AUTS2: variants seen among roughly 807,000 people sequenced by gnomAD.
The protein encoded by AUTS2 is autism susceptibility gene 2 protein.
AUTS2 carries 17 observed loss-of-function variants against 112.4 expected under a neutral mutation model. The ratio of observed to expected loss-of-function variants is 0.15; its 90% CI spans 0.10 to 0.23. The LOEUF (loss-of-function observed/expected upper bound fraction) is 0.23, where lower values mean the gene tolerates loss of function less well. Ranked by LOEUF, AUTS2 falls within the 10% of genes least tolerant of loss-of-function variation. The probability of loss-of-function intolerance (pLI) is 1.00; values close to 1 mark genes in which losing one functional copy is unlikely to be tolerated. For synonymous variants in AUTS2, 751 were observed against 702.7 expected (o/e 1.07, Z -1.09); for missense variants, 1,510 against 1,701.6 (o/e 0.89, Z 1.98).
At chr7:69,736,764 A>T (rs1307225203) in intron 1 of AUTS2, among the ~76,000 whole-genome samples, 2 of 152,176 alleles carry the variant, frequency 1.3e-5, no homozygotes, top group Non-Finnish European at 2.9e-5. Context: ...GGCTTCACCT[A>T]TATGGGAAAT....
rs531842431 is a variant in AUTS2 at position 69,709,748 on chromosome 7, G to A, written c.309+109786G>A. On this transcript the variant is annotated intron_variant, in intron 1 of 18. Coordinates refer to ENST00000342771, the MANE Select transcript of AUTS2 (RefSeq NM_015570.4). Reference sequence around the variant, plus strand: ...TTTTGTCCTTTAAATAAAATAAACCGGAACTGTAACCTTTATTATGGGAGG... The same window carrying A: ...TTTTGTCCTTTAAATAAAATAAACCAGAACTGTAACCTTTATTATGGGAGG... Among the ~76,000 whole-genome samples the A allele has an allele frequency of 5.9e-5, 9 of 152,226 alleles. No individual in the cohort carries two copies. In the East Asian group the frequency reaches 1.7e-3, roughly 29 times the overall value.
At chr7:70,022,800 C>CA (rs2129555491) in intron 2 of AUTS2, among the ~76,000 whole-genome samples, 1 of 152,150 alleles carries the variant, frequency 6.6e-6, no homozygotes, top group Admixed American at 6.5e-5. Flanking sequence ...CTCCTAACTA[C>CA]AAAAACATTT....
At chr7:70,770,476 T>C (rs2129558123) in intron 10 of AUTS2, among the ~76,000 whole-genome samples, 1 of 152,360 alleles carries the variant, frequency 6.6e-6, no homozygotes, top group East Asian at 1.9e-4. Flanking sequence ...AGGTGGGGCA[T>C]TATTTAAAAT....
chr7:69,938,543 C>T (rs1482043124), intron 2 of AUTS2, among the ~76,000 whole-genome samples: 1 of 152,228 alleles, frequency 6.6e-6, no homozygotes, highest in Non-Finnish European at 1.5e-5. Context: ...AATCTCAAGA[C>T]ATGACCTTGC....
intron 4 of AUTS2, among the ~76,000 whole-genome samples, chr7:70,358,942 A>C (rs1792131443): frequency 6.6e-6 from 1 of 152,224 alleles, no homozygotes; most frequent in South Asian, 2.1e-4. Flanking sequence ...ACAAGGTGTG[A>C]AGGCTTAGTC....
chr7:70,161,696 C>T (rs1388375798), intron 4 of AUTS2, among the ~76,000 whole-genome samples: 2 of 151,656 alleles, frequency 1.3e-5, no homozygotes, highest in African/African-American at 2.4e-5. Flanking sequence ...CAGTGCTATA[C>T]TCATATATCC....
chr7:70,156,036 G>C (rs1371399366), intron 4 of AUTS2, among the ~76,000 whole-genome samples: 3 of 152,066 alleles, frequency 2.0e-5, no homozygotes, highest in African/African-American at 7.2e-5. Flanking sequence ...GGGTAGTGCT[G>C]ACCCAGTGTC....
At chr7:70,384,323 T>C (rs1793512220) in intron 4 of AUTS2, among the ~76,000 whole-genome samples, 2 of 152,214 alleles carry the variant, frequency 1.3e-5, no homozygotes, top group African/African-American at 4.8e-5. Context: ...ACAGGGAACA[T>C]ACATCATGCA....
At chr7:70,657,039 G>T (rs1482708943) in intron 5 of AUTS2, among the ~76,000 whole-genome samples, 1 of 152,160 alleles carries the variant, frequency 6.6e-6, no homozygotes, top group Non-Finnish European at 1.5e-5. Flanking sequence ...GACTTCTCAG[G>T]TGCTTCATTA....
intron 2 of AUTS2, among the ~76,000 whole-genome samples, chr7:69,939,515 T>C: frequency 6.6e-6 from 1 of 152,182 alleles, no homozygotes; most frequent in East Asian, 1.9e-4. Flanking sequence ...TGATACCTTT[T>C]GCTTTCATGA....
At chr7:70,635,466 C>T (rs1026427832) in intron 5 of AUTS2, among the ~76,000 whole-genome samples, 4 of 152,330 alleles carry the variant, frequency 2.6e-5, no homozygotes, top group South Asian at 4.1e-4. Flanking sequence ...CCCCACAGCC[C>T]GTCCCAGGCC....
chr7:70,775,127 T>A (rs1790603904), intron 12 of AUTS2: 2 of 553,500 alleles, frequency 3.6e-6, no homozygotes, highest in Non-Finnish European at 6.4e-6. Context: ...TGATTAAACT[T>A]GTACAGGGGC....
intron 4 of AUTS2, among the ~76,000 whole-genome samples, chr7:70,300,242 AAAT>A (rs1208409924): frequency 1.3e-5 from 2 of 152,200 alleles, no homozygotes; most frequent in East Asian, 3.9e-4. Flanking sequence ...TGAGCTAGAA[AAAT>A]AATAATAATA....
intron 10 of AUTS2, among the ~76,000 whole-genome samples, chr7:70,768,394 A>C (rs547489616): frequency 1.3e-5 from 2 of 152,366 alleles, no homozygotes; most frequent in Admixed American, 6.5e-5. Flanking sequence ...ACAGCATTTC[A>C]GTCGTCAGTT....
At chr7:70,326,669 G>C (rs1790500181) in intron 4 of AUTS2, among the ~76,000 whole-genome samples, 1 of 152,154 alleles carries the variant, frequency 6.6e-6, no homozygotes. Context: ...GGGATCCATG[G>C]TCACTTCTAA....
intron 4 of AUTS2, among the ~76,000 whole-genome samples, chr7:70,166,182 T>G (rs1808371551): frequency 2.0e-5 from 3 of 152,162 alleles, no homozygotes; most frequent in African/African-American, 4.8e-5. Flanking sequence ...CTCAGGTAGT[T>G]TTTTATAGCA....
rs751654869 is a variant in AUTS2, at chr7:70,310,240, C to T, written c.661-125512C>T. ...GTGATTGGAGGCTTCTTTTAGGGGTCGGGAGATATATGGAAGGACAAGGAG... is the reference window on the plus strand; with the variant it reads ...GTGATTGGAGGCTTCTTTTAGGGGTTGGGAGATATATGGAAGGACAAGGAG... On this transcript the variant is annotated intron_variant, in intron 4 of 18. Coordinates refer to ENST00000342771, the MANE Select transcript of AUTS2 (RefSeq NM_015570.4). Among the ~76,000 whole-genome samples the T allele has an allele frequency of 2.7e-5, 4 of 150,342 alleles. No individual in the cohort carries two copies. In the South Asian group the frequency reaches 6.3e-4, roughly 24 times the overall value.
intron 1 of AUTS2, among the ~76,000 whole-genome samples, chr7:69,723,748 A>G (rs1786357833): frequency 1.3e-5 from 2 of 152,206 alleles, no homozygotes; most frequent in Admixed American, 1.3e-4. Flanking sequence ...ACTTGGTGGC[A>G]GAGTGCTAGA....
At chr7:70,643,329 C>T (rs1031949272) in intron 5 of AUTS2, among the ~76,000 whole-genome samples, 17 of 152,218 alleles carry the variant, frequency 1.1e-4, no homozygotes, top group African/African-American at 4.1e-4. Flanking sequence ...TCCCAGCACT[C>T]TGGGAGGCCG....
Sources: allele counts gnomAD v4.1 joint callset (sites outside exome capture counted in the v4.1 genomes callset), GRCh38; gene constraint gnomAD v4.1.1; transcripts MANE v1.5; gene names NCBI Gene and HGNC (gene_info 2026-07-23, HGNC 2026-07-21).